The following SPATA16 variants were observed in gnomAD, a reference collection of about 807,000 sequenced individuals.
The protein encoded by SPATA16 is spermatogenesis-associated protein 16.
A neutral mutation model predicts 63.3 loss-of-function variants in SPATA16; 36 were observed. The observed-to-expected ratio is 0.57, with a 90% CI of 0.44 to 0.75. SPATA16 has a LOEUF of 0.75. Among genes scored for constraint, SPATA16 ranks in the 30% least tolerant of loss-of-function variants. The probability of loss-of-function intolerance (pLI) is 0.00; values close to 1 mark genes in which losing one functional copy is unlikely to be tolerated. For synonymous variants in SPATA16, 203 were observed against 216.7 expected (o/e 0.94, Z 0.56); for missense variants, 646 against 679.3 (o/e 0.95, Z 0.54).
intron 1 of SPATA16, among the ~76,000 whole-genome samples, chr3:173,123,965 A>G (rs556175979): frequency 6.6e-6 from 1 of 152,244 alleles, no homozygotes; most frequent in South Asian, 2.1e-4. Context: ...TGGCCCTGCT[A>G]TATTGCAGCC....
At chr3:172,924,952 G>A (rs757003702) in intron 7 of SPATA16, among the ~76,000 whole-genome samples, 1 of 152,096 alleles carries the variant, frequency 6.6e-6, no homozygotes, top group Admixed American at 6.5e-5. Context: ...AGAAAAGCGG[G>A]GAAGAGACAT....
intron 2 of SPATA16, among the ~76,000 whole-genome samples, chr3:173,073,959 G>T (rs947953839): frequency 2.0e-5 from 3 of 152,058 alleles, no homozygotes; most frequent in African/African-American, 7.3e-5. Context: ...GCATCAGTGT[G>T]ACCTGGATAA....
At chr3:172,938,760 T>G (rs73175066) in intron 6 of SPATA16, among the ~76,000 whole-genome samples, 14,232 of 151,898 alleles carry the variant, frequency 0.094, 769 homozygotes, top group Admixed American at 0.13. Context: ...GAAAGTTTGG[T>G]TCTCCTATAA....
chr3:172,924,127 A>G (rs546610973), intron 8 of SPATA16, 81 bp downstream of exon 8: 3 of 1,176,220 alleles, frequency 2.6e-6, no homozygotes, highest in Admixed American at 1.8e-5. Flanking sequence ...CACTTGCACT[A>G]TTTGCCATGT....
intron 5 of SPATA16, among the ~76,000 whole-genome samples, chr3:172,969,109 G>A (rs1338678055): frequency 6.8e-6 from 1 of 147,458 alleles, no homozygotes; most frequent in African/African-American, 2.4e-5. Flanking sequence ...AATATTGCAT[G>A]CCCATTGTTG....
At chr3:172,953,507 A>G (rs573664400) in intron 6 of SPATA16, among the ~76,000 whole-genome samples, 9 of 152,318 alleles carry the variant, frequency 5.9e-5, no homozygotes, top group East Asian at 1.9e-4. Context: ...GTTTGGGCCA[A>G]CTGGTACGGT....
At chr3:173,039,974 T>C (rs573476407) in intron 3 of SPATA16, among the ~76,000 whole-genome samples, 17 of 152,292 alleles carry the variant, frequency 1.1e-4, no homozygotes, top group Admixed American at 7.2e-4. Flanking sequence ...CTGATCCACC[T>C]TCAGAACATG....
intron 2 of SPATA16, among the ~76,000 whole-genome samples, chr3:173,095,742 G>A (rs961873422): frequency 2.0e-5 from 3 of 152,086 alleles, no homozygotes; most frequent in African/African-American, 7.2e-5. Context: ...AAATTAAAAT[G>A]TAGCACTTTA....
intron 4 of SPATA16, among the ~76,000 whole-genome samples, chr3:172,999,680 C>T (rs1001526738): frequency 1.3e-5 from 2 of 152,180 alleles, no homozygotes; most frequent in Non-Finnish European, 2.9e-5. Context: ...TCCCAAAGTG[C>T]TGGGATTACA....
Position 172,969,717 on chromosome 3 carries a change from G to A in SPATA16, c.933+7251C>T, listed in dbSNP as rs184794324. On this transcript the variant is annotated intron_variant, in intron 5 of 10. Transcript: ENST00000351008. ...GTGGGTCTCAATTTTTCCCCTCCTT[G>A]TTGCAACGTCATCTCCACCCCTTTG... Among the ~76,000 whole-genome samples the A allele has an allele frequency of 2.4e-3, 371 of 152,206 alleles. 2 individuals carry two copies. The highest frequency in any genetic ancestry group is 3.3e-3 in the Non-Finnish European group (224 of 67,998).
At chr3:173,064,999 A>G (rs1326393914) in intron 2 of SPATA16, among the ~76,000 whole-genome samples, 1 of 152,216 alleles carries the variant, frequency 6.6e-6, no homozygotes, top group African/African-American at 2.4e-5. Context: ...CTCTACAACT[A>G]TTGTTCTTCC....
At chr3:172,938,663 A>G (rs969059369) in intron 6 of SPATA16, among the ~76,000 whole-genome samples, 5 of 152,210 alleles carry the variant, frequency 3.3e-5, no homozygotes, top group African/African-American at 9.6e-5. Flanking sequence ...GCACCTAGGT[A>G]GCCCTGAAAA....
At chr3:172,991,684 G>C (rs1351693047) in intron 4 of SPATA16, among the ~76,000 whole-genome samples, 3 of 152,078 alleles carry the variant, frequency 2.0e-5, no homozygotes, top group Admixed American at 6.6e-5. Context: ...TAAACACTTA[G>C]ATGCATTTCA....
At chr3:173,035,246 C>T (rs1050031700) in intron 3 of SPATA16, among the ~76,000 whole-genome samples, 8 of 151,912 alleles carry the variant, frequency 5.3e-5, no homozygotes, top group Non-Finnish European at 7.4e-5. Context: ...TTAAACTGTG[C>T]GATGCTTGCA....
intron 10 of SPATA16, among the ~76,000 whole-genome samples, chr3:172,910,510 C>T (rs958682866): frequency 2.0e-5 from 3 of 152,084 alleles, no homozygotes; most frequent in African/African-American, 7.2e-5. Flanking sequence ...AAATAAATGG[C>T]ATGGCTGTGT....
intron 5 of SPATA16, among the ~76,000 whole-genome samples, chr3:172,962,406 TC>T (rs1733811422): frequency 6.6e-6 from 1 of 152,146 alleles, no homozygotes; most frequent in Non-Finnish European, 1.5e-5. Context: ...AAATTATTTT[TC>T]TATTGTTTTA....
At chr3:173,074,538 A>C (rs1183249615) in intron 2 of SPATA16, among the ~76,000 whole-genome samples, 1 of 152,152 alleles carries the variant, frequency 6.6e-6, no homozygotes. Flanking sequence ...GCCACCATGT[A>C]AGACGTGCCT....
At chr3:173,120,683 T>C (rs887979280) in intron 1 of SPATA16, among the ~76,000 whole-genome samples, 1 of 152,156 alleles carries the variant, frequency 6.6e-6, no homozygotes, top group African/African-American at 2.4e-5. Context: ...TTCTAGAGCA[T>C]AATTGTTCTC....
chr3:172,900,242 A>C (rs1021409474), intron 10 of SPATA16, among the ~76,000 whole-genome samples: 3 of 152,172 alleles, frequency 2.0e-5, no homozygotes, highest in African/African-American at 7.2e-5. Flanking sequence ...ATATTATGCC[A>C]CTTACTACTG....
Sources: gnomAD v4.1 joint callset for allele counts (sites outside exome capture counted in the v4.1 genomes callset) on GRCh38, gnomAD v4.1.1 for gene constraint, MANE v1.5 for transcripts, NCBI Gene and HGNC (gene_info 2026-07-23, HGNC 2026-07-21) for gene names.